HSD17B12: variants seen among roughly 807,000 people sequenced by gnomAD.
The protein encoded by HSD17B12 is very-long-chain 3-oxoacyl-CoA reductase.
In HSD17B12, 32 loss-of-function variants were observed where a neutral mutation model predicts 39.3. The observed-to-expected ratio is 0.81, with a 90% confidence interval of 0.61 to 1.09. The LOEUF is 1.09. HSD17B12 is among the 50% of genes least tolerant of loss of function. HSD17B12 has a pLI of 0.00. For missense variants in HSD17B12, 342 were observed against 382.9 expected, an observed-to-expected ratio of 0.89 and a Z score of 0.89; for synonymous variants, 150 against 146.7, an observed-to-expected ratio of 1.02 and a Z score of -0.16.
chr11:43,616,284 T>C, the HSD17B12 span, among the ~76,000 whole-genome samples: 1 of 151,890 alleles, frequency 6.6e-6, no homozygotes, highest in Non-Finnish European at 1.5e-5. Flanking sequence ...GGCAGCCTGC[T>C]GTCATCCCAG....
the HSD17B12 span, among the ~76,000 whole-genome samples, chr11:43,588,527 G>T: frequency 6.6e-6 from 1 of 151,912 alleles, no homozygotes; most frequent in Non-Finnish European, 1.5e-5. Context: ...TCACCATAAG[G>T]CTTTGGTGAG....
chr11:43,630,191 C>T, the HSD17B12 span, among the ~76,000 whole-genome samples: 1 of 151,472 alleles, frequency 6.6e-6, no homozygotes, highest in African/African-American at 2.4e-5. Context: ...AATTTCAGTC[C>T]ATGGAAAAAA....
chr11:43,801,595 GATATATATATAT>G (rs55674379), intron 4 of HSD17B12, among the ~76,000 whole-genome samples: 4,219 of 72,682 alleles, frequency 0.058, 196 homozygotes, highest in East Asian at 0.19. Context: ...GATAGTTGGA[GATATATATATAT>G]ATATATATAT....
At chr11:43,654,601 G>C in the HSD17B12 span, among the ~76,000 whole-genome samples, 1 of 152,046 alleles carries the variant, frequency 6.6e-6, no homozygotes, top group Non-Finnish European at 1.5e-5. Flanking sequence ...TCCAGTTTCA[G>C]CTTTCTACAT....
intron 9 of HSD17B12, among the ~76,000 whole-genome samples, chr11:43,845,871 G>C (rs1313916655): frequency 1.3e-5 from 2 of 152,200 alleles, no homozygotes; most frequent in African/African-American, 2.4e-5. Flanking sequence ...CCTAGATGTA[G>C]CATCAGTGAT....
At chr11:43,698,174 C>G (rs1391520061) in intron 1 of HSD17B12, among the ~76,000 whole-genome samples, 1 of 152,048 alleles carries the variant, frequency 6.6e-6, no homozygotes, top group Non-Finnish European at 1.5e-5. Context: ...CTGAGGGAGA[C>G]AGCAGAGTCC....
At chr11:43,657,578 CT>C in the HSD17B12 span, among the ~76,000 whole-genome samples, 1 of 152,076 alleles carries the variant, frequency 6.6e-6, no homozygotes, top group South Asian at 2.1e-4. Flanking sequence ...CCTTCAGGAG[CT>C]CTTTTAGGGC....
chr11:43,772,407 A>G (rs551732818), intron 3 of HSD17B12, among the ~76,000 whole-genome samples: 1 of 152,296 alleles, frequency 6.6e-6, no homozygotes, highest in South Asian at 2.1e-4. Flanking sequence ...TTTTTTTGGC[A>G]TTGCCTTCTT....
intron 7 of HSD17B12, among the ~76,000 whole-genome samples, chr11:43,832,045 A>G (rs1475457053): frequency 6.6e-6 from 1 of 152,230 alleles, no homozygotes; most frequent in East Asian, 1.9e-4. Flanking sequence ...GCTCCTTGTA[A>G]TCCCATTTTA....
intron 3 of HSD17B12, among the ~76,000 whole-genome samples, chr11:43,778,020 C>G (rs901967282): frequency 6.6e-6 from 1 of 151,864 alleles, no homozygotes; most frequent in Non-Finnish European, 1.5e-5. Context: ...ACAAAAAAAC[C>G]CTTCAAAAAA....
At chr11:43,662,183 G>C in the HSD17B12 span, among the ~76,000 whole-genome samples, 1 of 146,672 alleles carries the variant, frequency 6.8e-6, no homozygotes, top group African/African-American at 2.5e-5. Flanking sequence ...CTGAGTGACA[G>C]AGTGAGCCCA....
chr11:43,656,715 G>C, the HSD17B12 span, among the ~76,000 whole-genome samples: 24 of 152,176 alleles, frequency 1.6e-4, no homozygotes, highest in Non-Finnish European at 1.6e-4. Context: ...GCCGTTTTGA[G>C]TGACTTTCTT....
At chr11:43,764,114 T>C (rs1345748858) in intron 3 of HSD17B12, among the ~76,000 whole-genome samples, 1 of 152,152 alleles carries the variant, frequency 6.6e-6, no homozygotes, top group Non-Finnish European at 1.5e-5. Context: ...ATCAAACCAG[T>C]TTTAATTTGG....
At chr11:43,804,798 C>T (rs1020224896) in intron 4 of HSD17B12, among the ~76,000 whole-genome samples, 1 of 152,160 alleles carries the variant, frequency 6.6e-6, no homozygotes. Flanking sequence ...AGATACCCAT[C>T]AGAGTTAAGA....
the HSD17B12 span, among the ~76,000 whole-genome samples, chr11:43,593,623 C>T: frequency 1.3e-5 from 2 of 152,044 alleles, no homozygotes; most frequent in African/African-American, 2.4e-5. Context: ...ACTTTATCTT[C>T]GTAAACTTCC....
intron 4 of HSD17B12, among the ~76,000 whole-genome samples, chr11:43,802,526 C>G (rs1183686922): frequency 6.6e-6 from 1 of 152,122 alleles, no homozygotes; most frequent in Non-Finnish European, 1.5e-5. Flanking sequence ...CATCTCAACT[C>G]TAGTTCACCT....
At chr11:43,801,595 G>GAGATATATATAT (rs1471934295) in intron 4 of HSD17B12, among the ~76,000 whole-genome samples, 1 of 72,792 alleles carries the variant, frequency 1.4e-5, no homozygotes, top group Non-Finnish European at 3.2e-5. Flanking sequence ...GATAGTTGGA[G>GAGATATATATAT]ATATATATAT....
At chr11:43,815,254 T>C (rs1019724638) in intron 4 of HSD17B12, among the ~76,000 whole-genome samples, 183 bp from the exon 5 acceptor site, 1 of 152,166 alleles carries the variant, frequency 6.6e-6, no homozygotes, top group African/African-American at 2.4e-5. Flanking sequence ...GGAAGAGACA[T>C]TTAAGTTGGA....
At chr11:43,579,956 A>G in the HSD17B12 span, among the ~76,000 whole-genome samples, 1 of 151,778 alleles carries the variant, frequency 6.6e-6, no homozygotes, top group Non-Finnish European at 1.5e-5. Context: ...AAGTTCTTGC[A>G]ATGTTTGCAG....
Sources: allele counts gnomAD v4.1 joint callset (sites outside exome capture counted in the v4.1 genomes callset), GRCh38; gene constraint gnomAD v4.1.1; transcripts MANE v1.5; gene names NCBI Gene and HGNC (gene_info 2026-07-23, HGNC 2026-07-21).